Variants in XRCC4 observed in about 807,000 individuals in gnomAD.
XRCC4 encodes DNA repair protein XRCC4.
In XRCC4, 28 loss-of-function variants were observed where a neutral mutation model predicts 39.1. That is an observed-to-expected ratio of 0.72 (90% CI 0.53 to 0.98). The LOEUF (loss-of-function observed/expected upper bound fraction) is 0.98, where lower values mean the gene tolerates loss of function less well. XRCC4 is among the 50% of genes least tolerant of loss of function. The pLI is 0.00. For synonymous variants in XRCC4, 123 were observed against 126.4 expected (o/e 0.97, Z 0.18); for missense variants, 350 against 376.4 (o/e 0.93, Z 0.58).
chr5:83,230,123 G>T (rs78624643), intron 6 of XRCC4, among the ~76,000 whole-genome samples: 2,417 of 151,934 alleles, frequency 0.016, 58 homozygotes, highest in African/African-American at 0.054. Context: ...TGGAAGTGCA[G>T]CATTCTGAAG....
intron 6 of XRCC4, among the ~76,000 whole-genome samples, chr5:83,225,663 G>T (rs1752260572): frequency 6.6e-6 from 1 of 150,742 alleles, no homozygotes; most frequent in African/African-American, 2.4e-5. Context: ...TGAGCTGGAG[G>T]AATGTTGCAT....
At chr5:83,115,753 T>A (rs1179333120) in intron 3 of XRCC4, among the ~76,000 whole-genome samples, 1 of 152,230 alleles carries the variant, frequency 6.6e-6, no homozygotes, top group Non-Finnish European at 1.5e-5. Flanking sequence ...CCTGAAAGAT[T>A]ACCAGCAATG....
chr5:83,142,078 A>G (rs1045119991), intron 3 of XRCC4, among the ~76,000 whole-genome samples: 2 of 152,166 alleles, frequency 1.3e-5, no homozygotes, highest in East Asian at 1.9e-4. Context: ...TAGATTTTCT[A>G]TATTTCATTA....
intron 7 of XRCC4, among the ~76,000 whole-genome samples, chr5:83,273,771 T>A (rs1015855416): frequency 6.6e-6 from 1 of 152,160 alleles, no homozygotes; most frequent in Non-Finnish European, 1.5e-5. Context: ...GTTGCATTGG[T>A]CTATATATCT....
At position 83,295,445 on chromosome 5, in the gene XRCC4, A is replaced by T. The variant is rs1755059823; in HGVS notation, c.893+36768A>T. 3.3e-5 allele frequency among the ~76,000 whole-genome samples: 5 copies of T among 151,836 alleles called. No individual in the cohort carries two copies. The South Asian group carries it at 8.3e-4, about 25-fold the overall frequency. On this transcript the variant is annotated intron_variant, in intron 7 of 7. Transcript: ENST00000396027. ...AAAAACTTTATAAATAAGCTGACAG[A>T]TACAATAAATAATTGTACTCCATGA...
chr5:83,313,484 A>G (rs1755776998), intron 7 of XRCC4, among the ~76,000 whole-genome samples: 2 of 151,808 alleles, frequency 1.3e-5, no homozygotes, highest in Admixed American at 6.6e-5. Context: ...GTTTTTACCT[A>G]TTTGCCCCAT....
At chr5:83,363,191 A>C in the XRCC4 span, among the ~76,000 whole-genome samples, 1 of 152,124 alleles carries the variant, frequency 6.6e-6, no homozygotes, top group Non-Finnish European at 1.5e-5. Flanking sequence ...AGATAGATGA[A>C]GTTTGAGCTG....
chr5:83,351,317 T>C (rs2112234511), intron 7 of XRCC4, among the ~76,000 whole-genome samples: 1 of 152,324 alleles, frequency 6.6e-6, no homozygotes, highest in South Asian at 2.1e-4. Flanking sequence ...AATGGACTAA[T>C]ACATAGGGGC....
At chr5:83,082,257 T>C (rs1744977818) in intron 1 of XRCC4, among the ~76,000 whole-genome samples, 1 of 152,202 alleles carries the variant, frequency 6.6e-6, no homozygotes, top group Non-Finnish European at 1.5e-5. Flanking sequence ...TAAAAAATTG[T>C]GTATTTACAT....
At chr5:83,312,275 C>T (rs952945154) in intron 7 of XRCC4, among the ~76,000 whole-genome samples, 1 of 152,148 alleles carries the variant, frequency 6.6e-6, no homozygotes, top group Non-Finnish European at 1.5e-5. Flanking sequence ...TTTCCAGTTT[C>T]TACAGTAGCA....
intron 1 of XRCC4, among the ~76,000 whole-genome samples, chr5:83,087,490 C>T (rs1745235546): frequency 6.6e-6 from 1 of 151,644 alleles, no homozygotes; most frequent in Admixed American, 6.6e-5. Context: ...TAGTGAAACC[C>T]CATCTCTACT....
In XRCC4 at chr5:83,192,257, C is replaced by T. The variant is rs182101860; in HGVS notation, c.316-3513C>T. Among the ~76,000 whole-genome samples, 1,137 of 138,174 alleles carry T rather than the reference C, an allele frequency of 8.2e-3. 12 individuals carry two copies. The highest frequency in any genetic ancestry group is 0.027 in the African/African-American group (1,057 of 39,016). The allele number at this position is 138,174 out of a possible 152,430, so 90.6% of individuals were successfully genotyped here. A position where few individuals can be genotyped will look rare whatever the true frequency, so the allele number is the denominator to read the frequency against. ...TATGTATATGTACATATTATATATA[C>T]GTATACATATGTATACATATATGTA... On this transcript the variant is annotated intron_variant, in intron 3 of 7. Transcript: ENST00000396027.
intron 6 of XRCC4, among the ~76,000 whole-genome samples, chr5:83,227,888 T>G (rs1286486497): frequency 6.6e-6 from 1 of 152,076 alleles, no homozygotes; most frequent in Non-Finnish European, 1.5e-5. Flanking sequence ...TTATCCCACT[T>G]GTGATAATCC....
rs570873057 is a variant in XRCC4 at position 83,309,530 on chromosome 5, G to A, written c.894-43601G>A. ...TAATCCCAGCACTTTGGGAGGCCAA[G>A]GCGGGTGGATCACGAGGTCAGGAGA... is the stretch of plus-strand genomic sequence containing the variant. On this transcript the variant is annotated intron_variant, in intron 7 of 7. Transcript: ENST00000396027. 5.3e-5 allele frequency among the ~76,000 whole-genome samples: 8 copies of A among 150,820 alleles called. No individual in the cohort carries two copies. The East Asian group carries it at 1.6e-3, about 30-fold the overall frequency.
At chr5:83,161,102 G>C (rs72767160) in intron 3 of XRCC4, among the ~76,000 whole-genome samples, 51,394 of 144,820 alleles carry the variant, frequency 0.35, 9,423 homozygotes, top group Non-Finnish European at 0.42. Context: ...AGTGATTTCA[G>C]TTCTTTTAAT....
At chr5:83,219,196 C>G (rs980169702) in intron 6 of XRCC4, among the ~76,000 whole-genome samples, 24 of 152,124 alleles carry the variant, frequency 1.6e-4, no homozygotes, top group African/African-American at 5.8e-4. Flanking sequence ...AGGGCTCACC[C>G]TAATGACCTC....
chr5:83,223,584 T>A (rs1371507958), intron 6 of XRCC4, among the ~76,000 whole-genome samples: 1 of 152,118 alleles, frequency 6.6e-6, no homozygotes, highest in African/African-American at 2.4e-5. Context: ...GGAATTTTTT[T>A]TTTTTCATCA....
At chr5:83,132,785 A>G (rs532337600) in intron 3 of XRCC4, among the ~76,000 whole-genome samples, 1 of 152,084 alleles carries the variant, frequency 6.6e-6, no homozygotes, top group East Asian at 1.9e-4. Context: ...CATTCATCTC[A>G]TCTTTTTTCA....
intron 6 of XRCC4, among the ~76,000 whole-genome samples, chr5:83,249,331 C>T (rs1013411755): frequency 2.0e-5 from 3 of 151,838 alleles, no homozygotes; most frequent in Admixed American, 1.3e-4. Flanking sequence ...TTGCCTAATC[C>T]CATTCGGTTT....
Sources: gnomAD v4.1 joint callset for allele counts (sites outside exome capture counted in the v4.1 genomes callset) on GRCh38, gnomAD v4.1.1 for gene constraint, MANE v1.5 for transcripts, NCBI Gene and HGNC (gene_info 2026-07-23, HGNC 2026-07-21) for gene names.